CPXM2: variants seen among roughly 807,000 people sequenced by gnomAD.
The protein encoded by CPXM2 is inactive carboxypeptidase-like protein X2.
In CPXM2, 66 loss-of-function variants were observed where a neutral mutation model predicts 86.1. That is an observed-to-expected ratio of 0.77 (90% CI 0.63 to 0.94). The LOEUF (loss-of-function observed/expected upper bound fraction) is 0.94. Ranked by LOEUF, CPXM2 falls within the 40% of genes least tolerant of loss-of-function variation. The probability of loss-of-function intolerance (pLI) is 0.00; values close to 1 mark genes in which losing one functional copy is unlikely to be tolerated. For missense variants in CPXM2, 948 were observed against 1,026.3 expected, an observed-to-expected ratio of 0.92 and a Z score of 1.04; for synonymous variants, 388 against 400.2, an observed-to-expected ratio of 0.97 and a Z score of 0.36.
At chr10:123,936,917 A>C (rs1945725857) in intron 2 of CPXM2, among the ~76,000 whole-genome samples, 1 of 152,056 alleles carries the variant, frequency 6.6e-6, no homozygotes, top group East Asian at 1.9e-4. Context: ...CTCTCACCAA[A>C]GGGGGAACCC....
intron 2 of CPXM2, among the ~76,000 whole-genome samples, chr10:123,917,612 AT>A (rs1945544116): frequency 6.6e-6 from 1 of 152,226 alleles, no homozygotes; most frequent in Non-Finnish European, 1.5e-5. Flanking sequence ...CACTTTTTGT[AT>A]GTTGAAGAGG....
chr10:123,923,498 G>A (rs990593604), intron 2 of CPXM2, among the ~76,000 whole-genome samples: 26 of 150,674 alleles, frequency 1.7e-4, no homozygotes, highest in Admixed American at 4.0e-4. Context: ...GGAGAATGGC[G>A]TGAACCCGGG....
At position 123,854,394 on chromosome 10, in the gene CPXM2, A is replaced by C. The variant is rs1353565266; in HGVS notation, c.513+8220T>G. On this transcript the variant is annotated intron_variant, in intron 3 of 13. Coordinates refer to ENST00000241305, the MANE Select transcript of CPXM2 (RefSeq NM_198148.3). ...TATATAATATATATATAATATATAT[A>C]TTATATATATATTATATATAAAATA... Among the ~76,000 whole-genome samples the C allele has an allele frequency of 4.3e-3, 512 of 119,932 alleles. 7 individuals are homozygous for C. Among genetic ancestry groups the C allele is most frequent in the African/African-American group, 0.016 (485 of 29,906 alleles). The allele number at this position is 119,932 out of a possible 152,430, so 78.7% of individuals were successfully genotyped here.
At position 123,816,305 on chromosome 10, in the gene CPXM2, C is replaced by T. The variant is rs1250886554; in HGVS notation, c.654-17106G>A. 3.3e-5 allele frequency among the ~76,000 whole-genome samples: 5 copies of T among 152,318 alleles called. No individual in the cohort carries two copies. In the East Asian group the frequency reaches 5.8e-4, roughly 18 times the overall value. ...TGGCATAGACATACTTAGAAGCTGG[C>T]AGAACCCCCACATTGGCTCCCTGGC... On this transcript the variant is annotated intron_variant, in intron 4 of 13. Coordinates refer to ENST00000241305, the MANE Select transcript of CPXM2 (RefSeq NM_198148.3).
chr10:123,839,402 C>T (rs1216981752), intron 4 of CPXM2, among the ~76,000 whole-genome samples: 1 of 152,186 alleles, frequency 6.6e-6, no homozygotes, highest in African/African-American at 2.4e-5. Flanking sequence ...AACTCATTAT[C>T]ATTCCATGTG....
chr10:123,803,158 C>T (rs550095079), intron 4 of CPXM2, among the ~76,000 whole-genome samples: 9 of 76,034 alleles, frequency 1.2e-4, no homozygotes, highest in South Asian at 4.0e-4. Flanking sequence ...TTTGAGACAG[C>T]GTTTTGCTCT....
chr10:123,798,285 T>C (rs1847378713), intron 5 of CPXM2, among the ~76,000 whole-genome samples, 159 bp from the exon 6 acceptor site: 1 of 149,612 alleles, frequency 6.7e-6, no homozygotes, highest in Admixed American at 6.7e-5. Context: ...GAATCAGGCC[T>C]GGATCCTGCC....
chr10:123,844,183 G>A lies in CPXM2; in HGVS notation c.514-1695C>T, dbSNP rs186104160. On this transcript the variant is annotated intron_variant, in intron 3 of 13. Coordinates refer to ENST00000241305, the MANE Select transcript of CPXM2 (RefSeq NM_198148.3). ...AGAGATGTTACAAAATTATACCATC[G>A]TGCAATAAATGATATTCAGATGATG... 2.2e-4 allele frequency among the ~76,000 whole-genome samples: 34 copies of A among 152,146 alleles called. No individual in the cohort carries two copies. In the East Asian group the frequency reaches 4.6e-3, roughly 21 times the overall value.
intron 3 of CPXM2, among the ~76,000 whole-genome samples, chr10:123,842,802 C>T (rs1848413896): frequency 6.6e-6 from 1 of 152,222 alleles, no homozygotes; most frequent in Admixed American, 6.5e-5. Flanking sequence ...GCAGCCCACG[C>T]ACACCAGGTG....
chr10:123,820,922 C>T (rs756108931), intron 4 of CPXM2, among the ~76,000 whole-genome samples: 5 of 152,310 alleles, frequency 3.3e-5, no homozygotes, highest in South Asian at 4.1e-4. Flanking sequence ...TCTAAAAAGT[C>T]GCTTTTGCCA....
At chr10:123,768,088 C>T (rs912402023) in intron 9 of CPXM2, among the ~76,000 whole-genome samples, 1 of 152,136 alleles carries the variant, frequency 6.6e-6, no homozygotes, top group Non-Finnish European at 1.5e-5. Context: ...CAGAGACACT[C>T]AAAAATAAAA....
At chr10:123,797,321 G>C (rs7091802) in intron 6 of CPXM2, among the ~76,000 whole-genome samples, 2 of 152,132 alleles carry the variant, frequency 1.3e-5, no homozygotes, top group African/African-American at 2.4e-5. Flanking sequence ...GCCAATGACA[G>C]ATAAACGTGT....
intron 2 of CPXM2, among the ~76,000 whole-genome samples, chr10:123,928,867 T>C (rs1302373977): frequency 6.6e-6 from 1 of 150,944 alleles, no homozygotes; most frequent in African/African-American, 2.5e-5. Context: ...GTTCACAAAA[T>C]CCATGGCCGT....
chr10:123,943,971 C>T (rs1945800878), upstream of CPXM2, among the ~76,000 whole-genome samples: 1 of 152,174 alleles, frequency 6.6e-6, no homozygotes, highest in East Asian at 1.9e-4. Context: ...TTAAAGAGAC[C>T]ATCGTCATCG....
chr10:123,819,849 T>C (rs575026137), intron 4 of CPXM2, among the ~76,000 whole-genome samples: 44 of 152,206 alleles, frequency 2.9e-4, no homozygotes, highest in Non-Finnish European at 5.9e-4. Flanking sequence ...TGCAAAGTAT[T>C]GATCCTGGGC....
At chr10:123,833,281 C>T (rs538700059) in intron 4 of CPXM2, among the ~76,000 whole-genome samples, 21 of 152,302 alleles carry the variant, frequency 1.4e-4, no homozygotes, top group Admixed American at 1.3e-3. Flanking sequence ...AGTGCCCAGC[C>T]GCCCTGGTGT....
At chr10:123,757,676 G>A (rs1371135119) in intron 11 of CPXM2, among the ~76,000 whole-genome samples, 2 of 152,108 alleles carry the variant, frequency 1.3e-5, no homozygotes, top group East Asian at 3.9e-4. Flanking sequence ...CTCCTTTTTG[G>A]AGTAAAGCTA....
At chr10:123,922,263 T>C (rs1280626251) in intron 2 of CPXM2, among the ~76,000 whole-genome samples, 1 of 230 alleles carries the variant, frequency 4.3e-3, no homozygotes, top group Non-Finnish European at 8.6e-3. Context: ...ATTTTGGAAA[T>C]TTCATGGTAT....
In CPXM2 at chr10:123,746,984, G is replaced by C. The variant is rs1273870238; in HGVS notation, c.2051C>G (p.Pro684Arg). ...CTTTGCTGTGACCACATACTCTCCA[G>C]GGTTCAGGAGGCGCCAGTAATCCCC... ...NDGDYWRLLN[P>R]GEYVVTAKAE... The change falls in exon 14 of 14, where the codon CCT becomes CGT. Residue 684 changes from proline (P) to arginine (R), a missense_variant. Transcript: ENST00000241305. The C allele has an allele frequency of 5.0e-6, 8 of 1,614,082 alleles. No homozygotes were observed. Among genetic ancestry groups the C allele is most frequent in the Non-Finnish European group, 5.1e-6 (6 of 1,180,002 alleles).
Sources: gnomAD v4.1 joint callset for allele counts (sites outside exome capture counted in the v4.1 genomes callset) on GRCh38, gnomAD v4.1.1 for gene constraint, MANE v1.5 for transcripts, NCBI Gene and HGNC (gene_info 2026-07-23, HGNC 2026-07-21) for gene names.